Variants in NF2 observed in about 807,000 individuals in gnomAD.
NF2 encodes merlin.
In NF2, 8 loss-of-function variants were observed where a neutral mutation model predicts 83.7. The observed-to-expected ratio is 0.10, with a 90% confidence interval of 0.06 to 0.17. The LOEUF is 0.17. Among genes scored for constraint, NF2 ranks in the 10% least tolerant of loss-of-function variants. The probability of loss-of-function intolerance (pLI) is 1.00; values close to 1 mark genes in which losing one functional copy is unlikely to be tolerated. For synonymous variants in NF2, 266 were observed against 269.6 expected (o/e 0.99, Z 0.13); for missense variants, 533 against 744.4 (o/e 0.72, Z 3.31).
intron 1 of NF2, among the ~76,000 whole-genome samples, chr22:29,626,182 T>C (rs972291059): frequency 7.1e-6 from 1 of 140,846 alleles, no homozygotes; most frequent in Non-Finnish European, 1.5e-5. Context: ...TGAGATGGAG[T>C]CTAACTCTGT....
intron 4 of NF2, among the ~76,000 whole-genome samples, chr22:29,643,991 G>A (rs1245235742): frequency 2.0e-5 from 3 of 149,726 alleles, no homozygotes; most frequent in Middle Eastern, 7.1e-3. Flanking sequence ...CCTCCCTCCC[G>A]GACGGGGCGG....
intron 15 of NF2, among the ~76,000 whole-genome samples, chr22:29,681,990 G>T (rs1039037261): frequency 1.1e-4 from 16 of 152,156 alleles, no homozygotes; most frequent in Non-Finnish European, 2.1e-4. Context: ...TAGTCTTGTG[G>T]TGTCTTTAAG....
At chr22:29,630,105 C>CA (rs1198673831) in intron 1 of NF2, among the ~76,000 whole-genome samples, 1 of 152,066 alleles carries the variant, frequency 6.6e-6, no homozygotes, top group African/African-American at 2.4e-5. Context: ...GCTGTCAAAG[C>CA]AAAAAACAAA....
At chr22:29,629,904 T>C (rs1307107550) in intron 1 of NF2, among the ~76,000 whole-genome samples, 1 of 152,266 alleles carries the variant, frequency 6.6e-6, no homozygotes. Context: ...CCATAGGTTC[T>C]AATACCTAGG....
chr22:29,675,371 A>T (rs760936169), intron 13 of NF2, among the ~76,000 whole-genome samples: 1 of 152,218 alleles, frequency 6.6e-6, no homozygotes, highest in Non-Finnish European at 1.5e-5. Context: ...TGCAAGAACG[A>T]GCAGCCACTC....
At chr22:29,642,360 C>T in intron 4 of NF2, 75 bp downstream of exon 4, 1 of 1,242,236 alleles carries the variant, frequency 8.1e-7, no homozygotes, top group Non-Finnish European at 1.2e-6. Context: ...TCTTCTCTTT[C>T]TTTGGGTTTT....
chr22:29,668,461 G>A lies in NF2; in HGVS notation c.999+15G>A, dbSNP rs367716680. 2.7e-4 allele frequency: 422 copies of A among 1,585,482 alleles called. 1 individual carries two copies. Among genetic ancestry groups the A allele is most frequent in the South Asian group, 1.1e-3 (102 of 90,256 alleles). On this transcript the variant is annotated intron_variant, in intron 10 of 15. Coordinates refer to ENST00000338641, the MANE Select transcript of NF2 (RefSeq NM_000268.4). ...CTAGAAAGCAGGTGAGCACAACCTT[G>A]TTTTAACTGATGATGTCACTGTGTG...
intron 5 of NF2, among the ~76,000 whole-genome samples, 175 bp downstream of exon 5, chr22:29,654,900 T>A (rs2066254064): frequency 6.6e-6 from 1 of 151,944 alleles, no homozygotes; most frequent in Non-Finnish European, 1.5e-5. Flanking sequence ...AAAGCAAAGG[T>A]TTTTGGAGTT....
intron 1 of NF2, chr22:29,609,356 C>A: frequency 3.2e-6 from 2 of 626,042 alleles, no homozygotes. Flanking sequence ...TGGAATAGAT[C>A]CTGACACTGT....
chr22:29,639,008 C>T lies in NF2; in HGVS notation c.241-82C>T, dbSNP rs1178118478. 1.3e-5 allele frequency: 21 copies of T among 1,591,992 alleles called. No homozygotes were observed. In the East Asian group the frequency reaches 1.6e-4, roughly 12 times the overall value. On this transcript the variant is annotated intron_variant, in intron 2 of 15. Transcript: ENST00000338641. ...TTTAGTGGGAAAAAAATTTAATGCA[C>T]GCCTTGCAAAGGCTTCTTTGAGGGT...
At chr22:29,664,280 A>C (rs1371145958) in intron 8 of NF2, among the ~76,000 whole-genome samples, 1 of 151,470 alleles carries the variant, frequency 6.6e-6, no homozygotes, top group Non-Finnish European at 1.5e-5. Context: ...GCCGCCTCTG[A>C]CTTTTATTCT....
At chr22:29,678,462 C>A in intron 14 of NF2, 139 bp downstream of exon 14, 3 of 953,196 alleles carry the variant, frequency 3.1e-6, no homozygotes, top group South Asian at 1.4e-5. Context: ...TGCTCTTACA[C>A]CCTGGAGGAA....
chr22:29,610,209 G>C (rs923238459), intron 1 of NF2, among the ~76,000 whole-genome samples: 1 of 152,090 alleles, frequency 6.6e-6, no homozygotes, highest in Non-Finnish European at 1.5e-5. Flanking sequence ...AGCTAGGCGT[G>C]GTGGTGTGAG....
intron 3 of NF2, among the ~76,000 whole-genome samples, chr22:29,640,705 C>T (rs1282744988): frequency 6.6e-6 from 1 of 151,988 alleles, no homozygotes; most frequent in East Asian, 1.9e-4. Flanking sequence ...ATATTGTGGT[C>T]AGCAAATATT....
At chr22:29,638,728 T>C (rs1036164789) in intron 2 of NF2, among the ~76,000 whole-genome samples, 1 of 152,176 alleles carries the variant, frequency 6.6e-6, no homozygotes, top group Non-Finnish European at 1.5e-5. Flanking sequence ...AAGATTCCAC[T>C]ACTTCAGATA....
intron 1 of NF2, among the ~76,000 whole-genome samples, chr22:29,627,246 C>T (rs2065389838): frequency 6.6e-6 from 1 of 152,104 alleles, no homozygotes; most frequent in African/African-American, 2.4e-5. Context: ...TCCTGAAGAC[C>T]ACTTGATGAT....
chr22:29,640,766 GGC>G (rs944757404), intron 3 of NF2, among the ~76,000 whole-genome samples: 10 of 43,610 alleles, frequency 2.3e-4, no homozygotes, highest in African/African-American at 6.8e-4. Flanking sequence ...AGGTCTGGGG[GGC>G]GTGTGTGTGT....
chr22:29,674,331 C>T (rs954451640), intron 12 of NF2, among the ~76,000 whole-genome samples: 10 of 152,216 alleles, frequency 6.6e-5, no homozygotes, highest in African/African-American at 1.9e-4. Context: ...TGAGGATCTG[C>T]ACCAGGGTGC....
intron 13 of NF2, among the ~76,000 whole-genome samples, chr22:29,677,670 C>CAGT (rs2067006333): frequency 6.6e-6 from 1 of 152,202 alleles, no homozygotes; most frequent in South Asian, 2.1e-4. Flanking sequence ...GGGCACTGCC[C>CAGT]CACCCATTGC....
Sources: allele counts gnomAD v4.1 joint callset (sites outside exome capture counted in the v4.1 genomes callset), GRCh38; gene constraint gnomAD v4.1.1; transcripts MANE v1.5; gene names NCBI Gene and HGNC (gene_info 2026-07-23, HGNC 2026-07-21).